The following HK1 variants were observed in gnomAD, a reference collection of about 807,000 sequenced individuals.
HK1 encodes the protein hexokinase 1.
A neutral mutation model predicts 91.6 loss-of-function variants in HK1; 28 were observed. That is an observed-to-expected ratio of 0.31 (90% CI 0.23 to 0.42). HK1 has a LOEUF of 0.42. Ranked by LOEUF, HK1 falls within the 10% of genes least tolerant of loss-of-function variation. The pLI is 1.00. For synonymous variants in HK1, 430 were observed against 468.1 expected, an observed-to-expected ratio of 0.92 and a Z score of 1.05; for missense variants, 770 against 1,219.8, an observed-to-expected ratio of 0.63 and a Z score of 5.49.
chr10:69,299,852 A>G (rs112289013), intron 4 of HK1, among the ~76,000 whole-genome samples: 3,261 of 147,430 alleles, frequency 0.022, 208 homozygotes, highest in African/African-American at 0.077. Flanking sequence ...GGTAGAGATG[A>G]GGTTTTACCA....
chr10:69,344,723 C>A (rs1026867008), intron 2 of HK1, among the ~76,000 whole-genome samples: 1 of 152,186 alleles, frequency 6.6e-6, no homozygotes. Context: ...ACTGAGAAGT[C>A]GCAGTCTGGC....
chr10:69,279,607 A>T (rs1844638711), intron 1 of HK1, among the ~76,000 whole-genome samples: 1 of 152,216 alleles, frequency 6.6e-6, no homozygotes, highest in Admixed American at 6.5e-5. Context: ...TCCAGAAACT[A>T]AGTAGATCTT....
chr10:69,326,715 G>A (rs1056809816), intron 1 of HK1, among the ~76,000 whole-genome samples: 1 of 152,194 alleles, frequency 6.6e-6, no homozygotes. Flanking sequence ...CTGCTACTCA[G>A]CTTGAGAAGT....
At chr10:69,305,579 G>C (rs1238988276) in intron 5 of HK1, among the ~76,000 whole-genome samples, 1 of 152,222 alleles carries the variant, frequency 6.6e-6, no homozygotes, top group African/African-American at 2.4e-5. Flanking sequence ...AGAAGGCTGG[G>C]TGTGGTAGTT....
At chr10:69,359,837 G>A in intron 2 of HK1, 60 bp from the exon 3 acceptor site, 1 of 1,527,812 alleles carries the variant, frequency 6.5e-7, no homozygotes, top group Non-Finnish European at 9.1e-7. Flanking sequence ...AAGCGGGCAT[G>A]GTATGTGGCT....
chr10:69,349,508 A>G (rs566137542), intron 2 of HK1, among the ~76,000 whole-genome samples: 23 of 152,330 alleles, frequency 1.5e-4, no homozygotes, highest in African/African-American at 5.5e-4. Context: ...GCAGGCCTGA[A>G]TGTGTAAGCC....
At chr10:69,272,350 AG>A (rs1410482953) in intron 1 of HK1, among the ~76,000 whole-genome samples, 1 of 152,208 alleles carries the variant, frequency 6.6e-6, no homozygotes, top group Non-Finnish European at 1.5e-5. Flanking sequence ...TCTGATGCCC[AG>A]GTTATTAATC....
chr10:69,310,848 G>A (rs1846337437), upstream of HK1, among the ~76,000 whole-genome samples: 1 of 152,210 alleles, frequency 6.6e-6, no homozygotes, highest in Non-Finnish European at 1.5e-5. Flanking sequence ...CCTGAGGTCA[G>A]GAGTTCGAGA....
At position 69,393,290 on chromosome 10, in the gene HK1, TTTTTC is replaced by T. The variant is rs752233541; in HGVS notation, c.2219+1002_2219+1006del. 6.3e-4 allele frequency among the ~76,000 whole-genome samples: 94 copies of T among 150,262 alleles called. 1 individual carries two copies. Among genetic ancestry groups the T allele is most frequent in the East Asian group, 8.0e-4 (4 of 5,014 alleles). Reference sequence around the variant, plus strand: ...GCCACCGCAACCAGCCCTTATAGTCTTTTTCTTTTCTTTTCTTTTCTTTTTTTTTT... The same window carrying T: ...GCCACCGCAACCAGCCCTTATAGTCTTTTTCTTTTCTTTTCTTTTTTTTTT... On this transcript the variant is annotated intron_variant, in intron 15 of 17. Coordinates refer to ENST00000359426, the MANE Select transcript of HK1 (RefSeq NM_000188.3).
intron 5 of HK1, among the ~76,000 whole-genome samples, chr10:69,307,901 C>T (rs547294973): frequency 9.2e-5 from 14 of 152,100 alleles, no homozygotes; most frequent in South Asian, 4.2e-4. Context: ...TGTGGTGGCA[C>T]GATCTCGGCT....
Position 69,393,962 on chromosome 10 carries a change from AG to A in HK1, c.2220-984del, listed in dbSNP as rs202060059. Among the ~76,000 whole-genome samples, 572 of 152,332 alleles carry A rather than the reference AG, an allele frequency of 3.8e-3. 2 individuals carry two copies. The highest frequency in any genetic ancestry group is 0.011 in the African/African-American group (470 of 41,576). On this transcript the variant is annotated intron_variant, in intron 15 of 17. Coordinates refer to ENST00000359426, the MANE Select transcript of HK1 (RefSeq NM_000188.3). The stretch of plus-strand genomic sequence containing the variant: ...AGCGGGGGGATCAGCAAGTGTTGGA[AG>A]GGGTTAAGGACATGTCAGCACCAAA...
At chr10:69,280,678 T>C (rs773658340) in intron 1 of HK1, among the ~76,000 whole-genome samples, 3 of 152,132 alleles carry the variant, frequency 2.0e-5, no homozygotes, top group Non-Finnish European at 4.4e-5. Flanking sequence ...AAGGCTGTCT[T>C]TGAGAAATGA....
At position 69,343,930 on chromosome 10, in the gene HK1, A is replaced by G; in HGVS notation, c.167A>G (p.Asn56Ser). 1 of 1,614,002 alleles carries G rather than the reference A, an allele frequency of 6.2e-7. No homozygotes were observed. The highest frequency in any genetic ancestry group is 8.5e-7 in the Non-Finnish European group (1 of 1,179,958). ...EMKNGLSRDF[N>S]PTATVKMLPT... ...AAGAATGGCCTCTCCCGGGATTTTAATCCAACAGCCACAGTCAAGATGTTG... is the reference window on the plus strand; with the variant it reads ...AAGAATGGCCTCTCCCGGGATTTTAGTCCAACAGCCACAGTCAAGATGTTG... Residue 56 changes from asparagine to serine, a missense_variant, in exon 2 of 18, where the codon AAT becomes AGT. This residue lies in a region of HK1 where 449 missense variants were observed against 665.1 expected (regional missense o/e 0.68). Coordinates refer to ENST00000359426, the MANE Select transcript of HK1 (RefSeq NM_000188.3).
intron 5 of HK1, among the ~76,000 whole-genome samples, chr10:69,303,044 A>G (rs1175368654): frequency 6.6e-6 from 1 of 152,202 alleles, no homozygotes; most frequent in East Asian, 1.9e-4. Flanking sequence ...CCTGACTAAA[A>G]TGAAATCCCT....
intron 2 of HK1, among the ~76,000 whole-genome samples, chr10:69,354,871 C>T (rs1849051064): frequency 1.3e-5 from 2 of 151,948 alleles, no homozygotes; most frequent in East Asian, 3.9e-4. Flanking sequence ...AGTTTGAGAC[C>T]AGCCTGACCA....
chr10:69,326,790 A>G (rs1034484272), intron 1 of HK1, among the ~76,000 whole-genome samples: 1 of 152,164 alleles, frequency 6.6e-6, no homozygotes, highest in Admixed American at 6.5e-5. Flanking sequence ...TCTCTGAGAT[A>G]GTTTGCTGCT....
chr10:69,321,250 G>C (rs929745776), intron 1 of HK1, among the ~76,000 whole-genome samples: 3 of 152,206 alleles, frequency 2.0e-5, no homozygotes, highest in Admixed American at 6.5e-5. Flanking sequence ...CCGCACTCCA[G>C]CCTGGGCCTT....
intron 1 of HK1, among the ~76,000 whole-genome samples, chr10:69,321,962 A>T (rs1847059369): frequency 6.6e-6 from 1 of 152,242 alleles, no homozygotes; most frequent in Non-Finnish European, 1.5e-5. Flanking sequence ...GATTCCATTC[A>T]TCAGAATCCC....
chr10:69,366,720 T>G (rs1360419773), intron 4 of HK1, among the ~76,000 whole-genome samples: 1 of 152,216 alleles, frequency 6.6e-6, no homozygotes, highest in Admixed American at 6.5e-5. Context: ...CAGTTTGGCC[T>G]CCACTGTGTC....
Sources: allele counts gnomAD v4.1 joint callset (sites outside exome capture counted in the v4.1 genomes callset), GRCh38; gene constraint gnomAD v4.1.1; regional missense constraint gnomAD v4.1.1; transcripts MANE v1.5; gene names NCBI Gene and HGNC (gene_info 2026-07-23, HGNC 2026-07-21).